Variants in GABRB2 observed in about 807,000 individuals in gnomAD.
GABRB2 encodes the protein gamma-aminobutyric acid receptor subunit beta-2.
Under a neutral mutation model 54.7 loss-of-function variants are expected in GABRB2, and 16 were observed. The observed-to-expected ratio is 0.29, with a 90% CI of 0.20 to 0.44. The LOEUF (loss-of-function observed/expected upper bound fraction) is 0.44. Ranked by LOEUF, GABRB2 falls within the 20% of genes least tolerant of loss-of-function variation. The pLI, the probability that GABRB2 is intolerant of heterozygous loss-of-function variation, is 1.00. For missense variants in GABRB2, 355 were observed against 644.0 expected, an observed-to-expected ratio of 0.55 and a Z score of 4.86; for synonymous variants, 244 against 233.8, an observed-to-expected ratio of 1.04 and a Z score of -0.40.
intron 9 of GABRB2, among the ~76,000 whole-genome samples, chr5:161,301,096 G>A (rs142605572): frequency 1.8e-4 from 27 of 152,202 alleles, no homozygotes; most frequent in African/African-American, 4.8e-4. Context: ...CAATTGGCCC[G>A]GAGTTACACA....
At chr5:161,486,020 A>C (rs1229575268) in intron 3 of GABRB2, among the ~76,000 whole-genome samples, 1 of 151,750 alleles carries the variant, frequency 6.6e-6, no homozygotes, top group Non-Finnish European at 1.5e-5. Flanking sequence ...GACCAAAATA[A>C]CCCCTTGTTA....
chr5:161,436,438 C>A (rs1757309957), intron 4 of GABRB2, among the ~76,000 whole-genome samples: 1 of 151,170 alleles, frequency 6.6e-6, no homozygotes. Context: ...GAGGCTGAGG[C>A]AGGAGAATTG....
rs59675873 is a variant in GABRB2 at position 161,469,672 on chromosome 5, C to CACACATACACATACACATACACAT, written c.238-9852_238-9829dup. Among the ~76,000 whole-genome samples the CACACATACACATACACATACACAT allele has an allele frequency of 1.1e-3, 159 of 141,252 alleles. 2 individuals carry two copies. The highest frequency in any genetic ancestry group is 2.6e-3 in the Admixed American group (36 of 13,964). The allele number at this position is 141,252 out of a possible 152,430, so 92.7% of individuals were successfully genotyped here. Reference sequence around the variant, plus strand: ...ACTCAGAGGAGATGGAAACATTATTCACACATACACATACACATACACATA... The same window carrying CACACATACACATACACATACACAT: ...ACTCAGAGGAGATGGAAACATTATTCACACATACACATACACATACACATACACATACACATACACATACACATA... On this transcript the variant is annotated intron_variant, in intron 3 of 9. Transcript: ENST00000393959.
At chr5:161,490,426 T>C (rs1244196278) in intron 3 of GABRB2, among the ~76,000 whole-genome samples, 1 of 151,624 alleles carries the variant, frequency 6.6e-6, no homozygotes, top group African/African-American at 2.4e-5. Context: ...TGAACTCAAG[T>C]CACATAGGCA....
intron 6 of GABRB2, among the ~76,000 whole-genome samples, chr5:161,335,601 A>G (rs904866701): frequency 6.6e-6 from 1 of 152,172 alleles, no homozygotes; most frequent in African/African-American, 2.4e-5. Context: ...CTTAGACTAT[A>G]GGAAGTTCAC....
intron 3 of GABRB2, among the ~76,000 whole-genome samples, chr5:161,535,008 A>G (rs1168414441): frequency 6.6e-6 from 1 of 152,230 alleles, no homozygotes; most frequent in Non-Finnish European, 1.5e-5. Flanking sequence ...CAGTTCTTGA[A>G]CATATACCAG....
chr5:161,319,169 C>G (rs946227001), intron 9 of GABRB2, among the ~76,000 whole-genome samples: 6 of 149,818 alleles, frequency 4.0e-5, no homozygotes, highest in Admixed American at 4.0e-4. Context: ...TGGCGGGCAT[C>G]CATTTCTTGT....
intron 4 of GABRB2, among the ~76,000 whole-genome samples, chr5:161,440,024 A>G (rs1170904428): frequency 4.6e-5 from 7 of 150,844 alleles, no homozygotes; most frequent in Non-Finnish European, 8.9e-5. Context: ...AAAATGGGTT[A>G]AAAAATACTA....
At chr5:161,352,228 G>C (rs899841429) in intron 5 of GABRB2, among the ~76,000 whole-genome samples, 15 of 151,914 alleles carry the variant, frequency 9.9e-5, no homozygotes, top group African/African-American at 3.6e-4. Flanking sequence ...ATTGAAATTA[G>C]TATGACAACA....
chr5:161,451,820 T>C (rs1163322435), intron 4 of GABRB2, among the ~76,000 whole-genome samples: 1 of 152,150 alleles, frequency 6.6e-6, no homozygotes, highest in African/African-American at 2.4e-5. Context: ...CATATATACA[T>C]TTTTAAAAGA....
chr5:161,453,896 G>A (rs867944732), intron 4 of GABRB2, among the ~76,000 whole-genome samples: 34 of 152,058 alleles, frequency 2.2e-4, no homozygotes, highest in African/African-American at 7.5e-4. Flanking sequence ...TAATTAGCCA[G>A]GTGTGGTGGT....
At chr5:161,481,075 T>G (rs1266624616) in intron 3 of GABRB2, among the ~76,000 whole-genome samples, 1 of 152,064 alleles carries the variant, frequency 6.6e-6, no homozygotes, top group Non-Finnish European at 1.5e-5. Flanking sequence ...AACAAACGCA[T>G]TTAACCAAAT....
chr5:161,374,207 G>A (rs1167589036), intron 5 of GABRB2, among the ~76,000 whole-genome samples: 1 of 152,088 alleles, frequency 6.6e-6, no homozygotes, highest in African/African-American at 2.4e-5. Flanking sequence ...GCCTCCCAAA[G>A]TGCTGGGATT....
rs185522542 is a variant in GABRB2, at chr5:161,309,852, C to T, written c.1192-15424G>A. Among the ~76,000 whole-genome samples, 1,120 of 152,148 alleles carry T rather than the reference C, an allele frequency of 7.4e-3. 13 individuals are homozygous for T. Among genetic ancestry groups the T allele is most frequent in the African/African-American group, 0.024 (997 of 41,492 alleles). On this transcript the variant is annotated intron_variant, in intron 9 of 9. Transcript: ENST00000393959. The stretch of plus-strand genomic sequence containing the variant: ...TTCACCGTGTTAGCCAGGATGGTCT[C>T]GATCTCCTGACCTCGTGATCTGCCC...
At chr5:161,360,978 C>T (rs1200963531) in intron 5 of GABRB2, among the ~76,000 whole-genome samples, 1 of 151,776 alleles carries the variant, frequency 6.6e-6, no homozygotes, top group Non-Finnish European at 1.5e-5. Context: ...CCACTGCACT[C>T]CATCCTGGGT....
intron 3 of GABRB2, among the ~76,000 whole-genome samples, chr5:161,481,925 T>C (rs149618000): frequency 4.7e-4 from 72 of 152,042 alleles, no homozygotes; most frequent in African/African-American, 1.7e-3. Flanking sequence ...TCACAAGGAA[T>C]CCAATACTTA....
chr5:161,448,822 A>G (rs1427840769), intron 4 of GABRB2, among the ~76,000 whole-genome samples: 1 of 152,196 alleles, frequency 6.6e-6, no homozygotes, highest in Non-Finnish European at 1.5e-5. Flanking sequence ...AATAATAGAT[A>G]AAAGGAATTA....
upstream of GABRB2, chr5:161,547,027 GT>G: frequency 5.4e-6 from 1 of 185,700 alleles, no homozygotes; most frequent in Non-Finnish European, 1.1e-5. Context: ...GTGTGTGTGT[GT>G]CCTTTTAAAT....
At chr5:161,461,248 T>C (rs1758111238) in intron 3 of GABRB2, among the ~76,000 whole-genome samples, 1 of 152,192 alleles carries the variant, frequency 6.6e-6, no homozygotes, top group South Asian at 2.1e-4. Flanking sequence ...AATGTAAGCT[T>C]CTCAGCTATC....
Sources: allele counts gnomAD v4.1 joint callset (sites outside exome capture counted in the v4.1 genomes callset), GRCh38; gene constraint gnomAD v4.1.1; transcripts MANE v1.5; gene names NCBI Gene and HGNC (gene_info 2026-07-23, HGNC 2026-07-21).